RUNDC3B: variants seen among roughly 807,000 people sequenced by gnomAD.
The protein encoded by RUNDC3B is RUN domain containing 3B.
In RUNDC3B, 33 loss-of-function variants were observed where a neutral mutation model predicts 58.4. The ratio of observed to expected loss-of-function variants is 0.56; its 90% confidence interval spans 0.43 to 0.75. The LOEUF (loss-of-function observed/expected upper bound fraction) is 0.75, where lower values mean the gene tolerates loss of function less well. Among genes scored for constraint, RUNDC3B ranks in the 30% least tolerant of loss-of-function variants. The pLI, the probability that RUNDC3B is intolerant of heterozygous loss-of-function variation, is 0.00. For synonymous variants in RUNDC3B, 193 were observed against 195.2 expected (o/e 0.99, Z 0.10); for missense variants, 501 against 535.7 (o/e 0.94, Z 0.64).
chr7:87,829,759 A>G (rs1345000923), intron 10 of RUNDC3B, 126 bp from the exon 11 acceptor site: 1 of 602,092 alleles, frequency 1.7e-6, no homozygotes, highest in Non-Finnish European at 2.8e-6. Context: ...TTTGTTCTGT[A>G]GGTTTCTTTG....
chr7:87,700,004 T>G (rs1449692795), intron 2 of RUNDC3B, among the ~76,000 whole-genome samples: 3 of 152,144 alleles, frequency 2.0e-5, no homozygotes, highest in Non-Finnish European at 4.4e-5. Flanking sequence ...TGGTGGGGTT[T>G]TTTTTTCTGT....
intron 10 of RUNDC3B, among the ~76,000 whole-genome samples, chr7:87,827,373 A>G (rs1161138425): frequency 2.0e-5 from 3 of 151,646 alleles, no homozygotes; most frequent in Non-Finnish European, 4.4e-5. Flanking sequence ...TGTAATCCCA[A>G]CTACTGGGGA....
At chr7:87,811,261 T>A (rs73200340) in intron 9 of RUNDC3B, among the ~76,000 whole-genome samples, 5,562 of 152,256 alleles carry the variant, frequency 0.037, 150 homozygotes, top group Non-Finnish European at 0.057. Context: ...TTTCCCAATT[T>A]GGCCATAATT....
chr7:87,739,701 CCTA>C, intron 4 of RUNDC3B, 87 bp from the exon 5 acceptor site: 1 of 511,736 alleles, frequency 2.0e-6, no homozygotes, highest in Non-Finnish European at 3.5e-6. Flanking sequence ...TTTAGCTCTT[CCTA>C]CAATAGTTTG....
At chr7:87,819,053 G>A (rs1332368183) in intron 10 of RUNDC3B, among the ~76,000 whole-genome samples, 1 of 152,154 alleles carries the variant, frequency 6.6e-6, no homozygotes, top group Non-Finnish European at 1.5e-5. Context: ...GATGCATAAA[G>A]TACACAGACA....
In RUNDC3B at chr7:87,770,572, T is replaced by C. The variant is rs138710526; in HGVS notation, c.630-9T>C. 8.5e-4 allele frequency: 1,361 copies of C among 1,599,428 alleles called. 8 individuals are homozygous for C. The African/African-American group carries it at 0.016, about 19-fold the overall frequency. On this transcript the variant is annotated splice_polypyrimidine_tract_variant and intron_variant, in intron 6 of 10. Transcript: ENST00000394654. ...TTTTAACTTTTTTTTAAAATTTTGA[T>C]CTTCCCAGTTCTGATAGTATCAGCA... is the stretch of plus-strand genomic sequence containing the variant.
Position 87,650,809 on chromosome 7 carries a change from CT to C in RUNDC3B, c.123-6del. The C allele has an allele frequency of 6.5e-7, 1 of 1,534,672 alleles. No homozygotes were observed. Among genetic ancestry groups the C allele is most frequent in the Non-Finnish European group, 9.0e-7 (1 of 1,108,312 alleles). ...AACTCTGCCTAAAAGCAACAATAAT[CT>C]TTTTTTCATAGGTTTTCTGTGAAGA... On this transcript the variant is annotated splice_polypyrimidine_tract_variant and intron_variant, in intron 1 of 10. Transcript: ENST00000394654.
intron 4 of RUNDC3B, among the ~76,000 whole-genome samples, chr7:87,727,776 G>A (rs1831326648): frequency 6.6e-6 from 1 of 152,114 alleles, no homozygotes; most frequent in Non-Finnish European, 1.5e-5. Context: ...AAAAGAATAT[G>A]ACACTGTAAT....
intron 8 of RUNDC3B, among the ~76,000 whole-genome samples, chr7:87,779,113 G>A (rs1160486757): frequency 6.6e-6 from 1 of 152,004 alleles, no homozygotes; most frequent in Non-Finnish European, 1.5e-5. Flanking sequence ...GAACTAAAAT[G>A]TTCTCTTATA....
chr7:87,743,818 T>C (rs1158719329), intron 6 of RUNDC3B, among the ~76,000 whole-genome samples: 9 of 152,178 alleles, frequency 5.9e-5, no homozygotes, highest in Admixed American at 5.9e-4. Context: ...TTAGTTTAAT[T>C]AGGTCCCAGC....
chr7:87,757,915 C>T (rs1833460974), intron 6 of RUNDC3B, among the ~76,000 whole-genome samples: 1 of 152,120 alleles, frequency 6.6e-6, no homozygotes. Context: ...AGGACACTCT[C>T]TTCAATAAAT....
chr7:87,752,529 A>C (rs966163769), intron 6 of RUNDC3B, among the ~76,000 whole-genome samples: 8 of 152,130 alleles, frequency 5.3e-5, no homozygotes, highest in Non-Finnish European at 1.2e-4. Flanking sequence ...TTGGTAAGCT[A>C]TTGATTATTG....
At chr7:87,796,789 C>A (rs1835845092) in intron 8 of RUNDC3B, among the ~76,000 whole-genome samples, 1 of 152,128 alleles carries the variant, frequency 6.6e-6, no homozygotes, top group Non-Finnish European at 1.5e-5. Flanking sequence ...ACCTGCCTTG[C>A]AAGAGGGAGT....
intron 9 of RUNDC3B, among the ~76,000 whole-genome samples, chr7:87,813,333 C>T (rs553032555): frequency 6.6e-6 from 1 of 152,252 alleles, no homozygotes; most frequent in African/African-American, 2.4e-5. Flanking sequence ...TTGTCAGAAG[C>T]TGCTTTTACA....
chr7:87,699,966 C>G (rs1828871069), intron 2 of RUNDC3B, among the ~76,000 whole-genome samples: 1 of 151,140 alleles, frequency 6.6e-6, no homozygotes, highest in African/African-American at 2.4e-5. Context: ...TTTGAAGTAT[C>G]CTTATGAAGA....
Position 87,807,533 on chromosome 7 carries a change from T to C in RUNDC3B, c.1103+14T>C, listed in dbSNP as rs755303971. On this transcript the variant is annotated intron_variant, in intron 9 of 10. Transcript: ENST00000394654. ...ACAGTGGTATGAGTAAGTGTAATAC[T>C]TTTTTTTCCAACTAATTAATAGTTA... The C allele has an allele frequency of 1.3e-6, 2 of 1,589,814 alleles. No individual in the cohort carries two copies. Among genetic ancestry groups the C allele is most frequent in the Non-Finnish European group, 1.7e-6 (2 of 1,159,392 alleles).
At chr7:87,706,529 T>C (rs1258445359) in intron 3 of RUNDC3B, among the ~76,000 whole-genome samples, 2 of 152,172 alleles carry the variant, frequency 1.3e-5, no homozygotes, top group Non-Finnish European at 2.9e-5. Context: ...GAATAAAATA[T>C]GTGAAGTAAC....
chr7:87,685,183 CAT>C (rs1223063448), intron 2 of RUNDC3B, among the ~76,000 whole-genome samples: 4 of 152,226 alleles, frequency 2.6e-5, no homozygotes. Flanking sequence ...TTGCAAATCA[CAT>C]GTTTGACAAA....
intron 2 of RUNDC3B, among the ~76,000 whole-genome samples, chr7:87,651,480 TA>T (rs1193242425): frequency 1.3e-5 from 2 of 152,088 alleles, no homozygotes; most frequent in African/African-American, 4.8e-5. Context: ...TTCTTTAAAT[TA>T]AAAAGATCTA....
Sources: allele counts gnomAD v4.1 joint callset (sites outside exome capture counted in the v4.1 genomes callset), GRCh38; gene constraint gnomAD v4.1.1; transcripts MANE v1.5; gene names NCBI Gene and HGNC (gene_info 2026-07-23, HGNC 2026-07-21).